The following MAP2K5 variants were observed in gnomAD, a reference collection of about 807,000 sequenced individuals.
MAP2K5 encodes the protein mitogen-activated protein kinase kinase 5.
MAP2K5 carries 49 observed loss-of-function variants against 83.1 expected under a neutral mutation model. The ratio of observed to expected loss-of-function variants is 0.59; its 90% CI spans 0.47 to 0.75. The LOEUF (loss-of-function observed/expected upper bound fraction) is 0.75. Among genes scored for constraint, MAP2K5 ranks in the 30% least tolerant of loss-of-function variants. The probability of loss-of-function intolerance (pLI) is 0.00; values close to 1 mark genes in which losing one functional copy is unlikely to be tolerated. For synonymous variants in MAP2K5, 202 were observed against 191.8 expected (o/e 1.05, Z -0.44); for missense variants, 457 against 557.5 (o/e 0.82, Z 1.82).
In MAP2K5 at chr15:67,685,020, A is replaced by G. The variant is rs147244737; in HGVS notation, c.848-7459A>G. ...AGTCTCAAAAGAAGAGGAAAGAGAAAAGGAAACAAAAAATAATTTGAAGAA... is the reference window on the plus strand; with the variant it reads ...AGTCTCAAAAGAAGAGGAAAGAGAAGAGGAAACAAAAAATAATTTGAAGAA... On this transcript the variant is annotated intron_variant, in intron 13 of 21. Transcript: ENST00000178640. Among the ~76,000 whole-genome samples the G allele has an allele frequency of 2.6e-5, 4 of 152,290 alleles. No individual in the cohort carries two copies. In the East Asian group the frequency reaches 7.7e-4, roughly 29 times the overall value.
rs536028092 is a variant in MAP2K5, at chr15:67,677,045, G to T, written c.847+12400G>T. ...TTAAATGAGAGGGAATAGTTAGAAC[G>T]TTCCTCACACTTTCCTGTTAACATC... is the stretch of plus-strand genomic sequence containing the variant. On this transcript the variant is annotated intron_variant, in intron 13 of 21. Transcript: ENST00000178640. The surrounding 1 kb of genome is among the most constrained non-coding windows in gnomAD (Gnocchi z 4.2). 1.4e-4 allele frequency among the ~76,000 whole-genome samples: 22 copies of T among 152,258 alleles called. No individual in the cohort carries two copies. The highest frequency in any genetic ancestry group is 3.9e-4 in the African/African-American group (16 of 41,550).
At chr15:67,612,643 A>G (rs1456585322) in intron 8 of MAP2K5, among the ~76,000 whole-genome samples, 1 of 152,186 alleles carries the variant, frequency 6.6e-6, no homozygotes, top group Non-Finnish European at 1.5e-5. Flanking sequence ...GACCCTAGTC[A>G]TGATATGCCC....
rs1432688519 is a variant in MAP2K5, at chr15:67,644,199, G to A, written c.586-2032G>A. Among the ~76,000 whole-genome samples the A allele has an allele frequency of 2.6e-5, 4 of 152,116 alleles. No individual in the cohort carries two copies. Among genetic ancestry groups the A allele is most frequent in the Non-Finnish European group, 5.9e-5 (4 of 68,024 alleles). On this transcript the variant is annotated intron_variant, in intron 9 of 21. Coordinates refer to ENST00000178640, the MANE Select transcript of MAP2K5 (RefSeq NM_145160.3). The surrounding 1 kb of genome is among the most constrained non-coding windows in gnomAD (Gnocchi z 4.6). ...ACCTGAGGTCAGGAATTCGAGACCA[G>A]CCTGGCCAACATGGTGAAACCCTGT...
intron 17 of MAP2K5, among the ~76,000 whole-genome samples, chr15:67,745,287 C>T (rs892656348): frequency 3.3e-5 from 5 of 152,222 alleles, no homozygotes; most frequent in Admixed American, 6.5e-5. Flanking sequence ...AATATTATTG[C>T]GTTCCTCTGA....
At chr15:67,669,293 G>A (rs1313538703) in intron 13 of MAP2K5, among the ~76,000 whole-genome samples, 2 of 152,070 alleles carry the variant, frequency 1.3e-5, no homozygotes, top group South Asian at 2.1e-4. Context: ...AGTAAAATAC[G>A]GAGTGTGTTA....
intron 8 of MAP2K5, among the ~76,000 whole-genome samples, chr15:67,617,978 G>A (rs1416323615): frequency 6.6e-6 from 1 of 152,164 alleles, no homozygotes; most frequent in Non-Finnish European, 1.5e-5. Context: ...ACAGGTGTGA[G>A]CCACTGTGCC....
At chr15:67,806,499 C>T (rs896279242) in intron 21 of MAP2K5, 147 bp from the exon 22 acceptor site, 17 of 677,912 alleles carry the variant, frequency 2.5e-5, no homozygotes, top group South Asian at 1.3e-4. Context: ...TTATCTAGGC[C>T]GTGAAATGGA....
intron 3 of MAP2K5, among the ~76,000 whole-genome samples, chr15:67,578,551 AT>A (rs1240031426): frequency 1.3e-5 from 2 of 152,208 alleles, no homozygotes; most frequent in African/African-American, 4.8e-5. Flanking sequence ...TTTAGAGGAA[AT>A]ATAAAAAACA....
At chr15:67,731,473 G>A (rs2089219394) in intron 17 of MAP2K5, among the ~76,000 whole-genome samples, 1 of 152,112 alleles carries the variant, frequency 6.6e-6, no homozygotes, top group African/African-American at 2.4e-5. Flanking sequence ...TAGGCCTTTG[G>A]GTTGCATAAC....
chr15:67,737,844 CTTTTTTTTTTTTT>C (rs35988425), intron 17 of MAP2K5, among the ~76,000 whole-genome samples: 8 of 69,294 alleles, frequency 1.2e-4, no homozygotes, highest in Admixed American at 2.4e-4. Context: ...ATAGAATAGT[CTTTTTTTTTTTTT>C]TTTTTTTTTT....
At chr15:67,579,486 G>A (rs1048417631) in intron 3 of MAP2K5, among the ~76,000 whole-genome samples, 27 of 152,084 alleles carry the variant, frequency 1.8e-4, no homozygotes, top group Non-Finnish European at 3.2e-4. Flanking sequence ...TGTTTATGCC[G>A]TATGTATATA....
At chr15:67,663,288 GA>G (rs1033720430) in intron 12 of MAP2K5, among the ~76,000 whole-genome samples, 1 of 151,878 alleles carries the variant, frequency 6.6e-6, no homozygotes, top group African/African-American at 2.4e-5. Context: ...ATAGACAAAA[GA>G]AAAAAAATTC....
chr15:67,563,139 C>A lies in MAP2K5; in HGVS notation c.185-144C>A. On this transcript the variant is annotated intron_variant, in intron 2 of 21. Coordinates refer to ENST00000178640, the MANE Select transcript of MAP2K5 (RefSeq NM_145160.3). The surrounding 1 kb of genome is among the most constrained non-coding windows in gnomAD (Gnocchi z 4.5). ...ATCATATTCCAAATGGAAAACAAAA[C>A]AACAAACTAATAATGTCAACATACC... 1.2e-6 allele frequency: 1 copy of A among 862,602 alleles called. No individual in the cohort carries two copies. The highest frequency in any genetic ancestry group is 1.7e-6 in the Non-Finnish European group (1 of 605,948). 53.4% of individuals were successfully genotyped at this position (862,602 alleles called of 1,614,324 possible). A position where few individuals can be genotyped will look rare whatever the true frequency, so the allele number is the denominator to read the frequency against.
In MAP2K5 at chr15:67,552,940, C is replaced by G. The variant is rs1342064294; in HGVS notation, c.184+2858C>G. 6.6e-6 allele frequency among the ~76,000 whole-genome samples: 1 copy of G among 152,106 alleles called. No individual in the cohort carries two copies. Among genetic ancestry groups the G allele is most frequent in the Non-Finnish European group, 1.5e-5 (1 of 68,022 alleles). On this transcript the variant is annotated intron_variant, in intron 2 of 21. Transcript: ENST00000178640. This position sits in a 1 kb window ranked among gnomAD's most constrained non-coding sequence, Gnocchi z 4.2. ...ATCATATATTCTGGTTGTTCTTAAG[C>G]ATGGTAAAAAGAAGTTTACTTTGTA...
At chr15:67,643,058 C>T (rs142006080) in intron 9 of MAP2K5, among the ~76,000 whole-genome samples, 40 of 152,168 alleles carry the variant, frequency 2.6e-4, no homozygotes, top group African/African-American at 9.2e-4. Flanking sequence ...GTGGGCCCAA[C>T]CCAAGGGATT....
chr15:67,774,438 G>A lies in MAP2K5; in HGVS notation c.1242+1686G>A, dbSNP rs939347608. On this transcript the variant is annotated intron_variant, in intron 21 of 21. Transcript: ENST00000178640. The surrounding 1 kb of genome is among the most constrained non-coding windows in gnomAD (Gnocchi z 4.9). ...TGGTGAGGCACCACTGCTTTGGCAG[G>A]GCTCAGTGAGGAGGCAGGGAACAAT... Among the ~76,000 whole-genome samples, 1 of 152,026 alleles carries A rather than the reference G, an allele frequency of 6.6e-6. No individual in the cohort carries two copies. The highest frequency in any genetic ancestry group is 1.5e-5 in the Non-Finnish European group (1 of 68,020).
rs571312859 is a variant in MAP2K5, at chr15:67,749,801, A to G, written c.1134+1200A>G. Among the ~76,000 whole-genome samples, 6 of 152,322 alleles carry G rather than the reference A, an allele frequency of 3.9e-5. No individual in the cohort carries two copies. The highest frequency in any genetic ancestry group is 3.4e-3 in the Middle Eastern group (1 of 294). On this transcript the variant is annotated intron_variant, in intron 19 of 21. Transcript: ENST00000178640. The surrounding 1 kb of genome is among the most constrained non-coding windows in gnomAD (Gnocchi z 4.6). ...AATATCCTCTATTATCTTAGATTCC[A>G]AAAGCCTACTATCCCCATCAGAATC... is the stretch of plus-strand genomic sequence containing the variant.
In MAP2K5 at chr15:67,763,887, A is replaced by G. The variant is rs375128220; in HGVS notation, c.1135-5715A>G. Among the ~76,000 whole-genome samples the G allele has an allele frequency of 4.8e-4, 73 of 152,330 alleles. 1 individual carries two copies. Among genetic ancestry groups the G allele is most frequent in the Middle Eastern group, 6.8e-3 (2 of 294 alleles). On this transcript the variant is annotated intron_variant, in intron 19 of 21. Transcript: ENST00000178640. ...GCAGTGATCCAATAGAGCTTTGCCAATTAGTATGAATCCCAGTGCCTAAGA... is the reference window on the plus strand; with the variant it reads ...GCAGTGATCCAATAGAGCTTTGCCAGTTAGTATGAATCCCAGTGCCTAAGA...
chr15:67,628,874 G>A, intron 8 of MAP2K5: 1 of 748,924 alleles, frequency 1.3e-6, no homozygotes, highest in Non-Finnish European at 2.4e-6. Flanking sequence ...TGGTGATGGT[G>A]GATATGGCGG....
Sources: allele counts gnomAD v4.1 joint callset (sites outside exome capture counted in the v4.1 genomes callset), GRCh38; gene constraint gnomAD v4.1.1; non-coding constraint Gnocchi (gnomAD v3.1); transcripts MANE v1.5; gene names NCBI Gene and HGNC (gene_info 2026-07-23, HGNC 2026-07-21).